Variants in C12orf42 observed in about 807,000 individuals in gnomAD.
The protein encoded by C12orf42 is chromosome 12 open reading frame 42.
Under a neutral mutation model 21.6 loss-of-function variants are expected in C12orf42, and 25 were observed. The observed-to-expected ratio is 1.16, with a 90% CI of 0.84 to 1.62. The LOEUF (loss-of-function observed/expected upper bound fraction) is 1.62. Ranked by LOEUF, C12orf42 falls within the 40% of genes most tolerant of loss-of-function variation. The pLI is 0.00. For synonymous variants in C12orf42, 174 were observed against 175.0 expected (o/e 0.99, Z 0.05); for missense variants, 483 against 459.3 (o/e 1.05, Z -0.47).
downstream of C12orf42, among the ~76,000 whole-genome samples, chr12:103,264,662 G>C (rs1410599423): frequency 6.6e-6 from 1 of 152,144 alleles, no homozygotes; most frequent in Non-Finnish European, 1.5e-5. Context: ...CTTTCGGCTT[G>C]AGTGGTTTAC....
upstream of C12orf42, among the ~76,000 whole-genome samples, chr12:103,496,708 T>C (rs11111612): frequency 0.011 from 1,610 of 151,898 alleles, 178 homozygotes; most frequent in East Asian, 0.24. Context: ...AACACTCTTC[T>C]GCAGAATCAC....
chr12:103,414,645 T>C lies in C12orf42; in HGVS notation c.79-12970A>G, dbSNP rs540244875. Among the ~76,000 whole-genome samples, 10 of 152,314 alleles carry C rather than the reference T, an allele frequency of 6.6e-5. No homozygotes were observed. The East Asian group carries it at 1.9e-3, about 29-fold the overall frequency. ...CTGTATTCCTAGGTATATTTCATTT[T>C]CTTTGTGGCTATTGTAAGTAGGATT... On this transcript the variant is annotated intron_variant, in intron 2 of 5. Transcript: ENST00000548883.
intron 1 of C12orf42, among the ~76,000 whole-genome samples, chr12:103,491,552 T>C (rs1955186048): frequency 6.6e-6 from 1 of 152,222 alleles, no homozygotes; most frequent in Non-Finnish European, 1.5e-5. Flanking sequence ...CTACACTCTA[T>C]TGTTATCTGG....
chr12:103,434,156 T>C (rs1276634519), intron 2 of C12orf42, among the ~76,000 whole-genome samples: 1 of 152,182 alleles, frequency 6.6e-6, no homozygotes, highest in African/African-American at 2.4e-5. Flanking sequence ...CTCTGACTCT[T>C]AGAGCCAAGA....
intron 4 of C12orf42, among the ~76,000 whole-genome samples, chr12:103,326,149 C>A (rs2040675666): frequency 6.6e-6 from 1 of 152,170 alleles, no homozygotes; most frequent in Non-Finnish European, 1.5e-5. Context: ...GGTTAAGAAT[C>A]TTGGCTAATG....
At chr12:103,287,335 A>G (rs1432919126) in intron 4 of C12orf42, among the ~76,000 whole-genome samples, 1 of 152,250 alleles carries the variant, frequency 6.6e-6, no homozygotes, top group Admixed American at 6.5e-5. Flanking sequence ...CTGGATTAAG[A>G]AAATGTGGCA....
chr12:103,391,667 T>A (rs1039245048), intron 3 of C12orf42, among the ~76,000 whole-genome samples: 18 of 151,124 alleles, frequency 1.2e-4, no homozygotes, highest in African/African-American at 4.4e-4. Context: ...ATTAACCATA[T>A]ATATCATATA....
chr12:103,154,812 T>C, the C12orf42 span, among the ~76,000 whole-genome samples: 1 of 152,310 alleles, frequency 6.6e-6, no homozygotes, highest in East Asian at 1.9e-4. Flanking sequence ...ATGTTTGACG[T>C]AATCTTTGCT....
chr12:103,083,396 C>T, the C12orf42 span, among the ~76,000 whole-genome samples: 3 of 152,054 alleles, frequency 2.0e-5, no homozygotes, highest in African/African-American at 4.8e-5. Flanking sequence ...AGTCTAAGCA[C>T]ACAGTTTGAT....
chr12:103,538,319 C>T, the C12orf42 span, among the ~76,000 whole-genome samples: 1 of 152,192 alleles, frequency 6.6e-6, no homozygotes, highest in African/African-American at 2.4e-5. Flanking sequence ...TGTTAAAATA[C>T]AGATGGAAGA....
the C12orf42 span, chr12:103,548,703 A>T: frequency 1.3e-5 from 2 of 152,204 alleles, no homozygotes; most frequent in African/African-American, 4.8e-5. Flanking sequence ...ATAACATATG[A>T]GCATAACAGT....
chr12:103,335,591 C>G (rs1327846747), intron 4 of C12orf42, among the ~76,000 whole-genome samples: 1 of 152,154 alleles, frequency 6.6e-6, no homozygotes, highest in Non-Finnish European at 1.5e-5. Context: ...GCTTTTTGAC[C>G]TTGGCCTTCA....
downstream of C12orf42, among the ~76,000 whole-genome samples, chr12:103,236,113 T>A (rs560829295): frequency 7.2e-5 from 11 of 152,312 alleles, no homozygotes; most frequent in Admixed American, 2.6e-4. Flanking sequence ...CAAATAAATT[T>A]TATTTAAATA....
At chr12:103,091,512 G>T in the C12orf42 span, among the ~76,000 whole-genome samples, 2 of 152,038 alleles carry the variant, frequency 1.3e-5, no homozygotes, top group Non-Finnish European at 2.9e-5. Context: ...TCTTTGGTTT[G>T]GGATAGAAAC....
chr12:103,478,444 C>A lies in C12orf42; in HGVS notation c.-18G>T, dbSNP rs781535454. The A allele has an allele frequency of 7.5e-6, 11 of 1,469,348 alleles. No individual in the cohort carries two copies. The highest frequency in any genetic ancestry group is 9.4e-7 in the Non-Finnish European group (1 of 1,069,142). 91.0% of individuals were successfully genotyped at this position (1,469,348 alleles called of 1,614,324 possible). A position where few individuals can be genotyped will look rare whatever the true frequency, so the allele number is the denominator to read the frequency against. On this transcript the variant is annotated 5_prime_UTR_variant, in exon 2 of 6. Coordinates refer to ENST00000548883, the MANE Select transcript of C12orf42 (RefSeq NM_198521.5). ...GTAGACATTAATTTGACAAGTTCAA[C>A]TCCCTATAAACAAAGAATGGAGAAA...
intron 4 of C12orf42, among the ~76,000 whole-genome samples, chr12:103,326,158 T>C (rs2040676959): frequency 1.3e-5 from 2 of 152,230 alleles, no homozygotes; most frequent in Admixed American, 6.5e-5. Flanking sequence ...TCTTGGCTAA[T>C]GTCTTACTAA....
chr12:103,511,885 A>G, the C12orf42 span, among the ~76,000 whole-genome samples: 1 of 152,222 alleles, frequency 6.6e-6, no homozygotes, highest in Non-Finnish European at 1.5e-5. Flanking sequence ...AGGCATGGTA[A>G]GAAAAGGACA....
At chr12:103,395,493 G>A (rs1239104237) in intron 3 of C12orf42, among the ~76,000 whole-genome samples, 7 of 151,950 alleles carry the variant, frequency 4.6e-5, no homozygotes, top group African/African-American at 1.2e-4. Flanking sequence ...CCACCACCAC[G>A]CCCGGCTAAT....
intron 4 of C12orf42, among the ~76,000 whole-genome samples, chr12:103,316,875 T>G (rs1325242222): frequency 6.6e-6 from 1 of 152,162 alleles, no homozygotes; most frequent in Non-Finnish European, 1.5e-5. Context: ...TCTTCAGTAT[T>G]ACAGTGTCAC....
Sources: gnomAD v4.1 joint callset for allele counts (sites outside exome capture counted in the v4.1 genomes callset) on GRCh38, gnomAD v4.1.1 for gene constraint, MANE v1.5 for transcripts, NCBI Gene and HGNC (gene_info 2026-07-23, HGNC 2026-07-21) for gene names.